Variants in PVT1 observed in about 807,000 individuals in gnomAD.
PVT1 encodes CXCR4/PVT1 fusion.
intron 2 of PVT1, among the ~76,000 whole-genome samples, chr8:127,874,329 T>C (rs991041415): frequency 6.6e-6 from 1 of 152,086 alleles, no homozygotes; most frequent in African/African-American, 2.4e-5. Context: ...AGAAGGGCTT[T>C]GTAGGATGAG....
intron 2 of PVT1, among the ~76,000 whole-genome samples, chr8:127,842,520 C>T (rs1374427503): frequency 1.3e-5 from 2 of 152,044 alleles, no homozygotes; most frequent in Non-Finnish European, 2.9e-5. Context: ...ACCACCTCAG[C>T]CTCCCAGCGA....
chr8:127,974,455 C>T (rs184441670), intron 3 of PVT1, among the ~76,000 whole-genome samples: 5 of 152,266 alleles, frequency 3.3e-5, no homozygotes, highest in Admixed American at 2.0e-4. Context: ...CTCACTCTCA[C>T]CCAGGCTGGA....
At chr8:127,873,890 A>C (rs1252898345) in intron 2 of PVT1, among the ~76,000 whole-genome samples, 1 of 152,214 alleles carries the variant, frequency 6.6e-6, no homozygotes, top group Non-Finnish European at 1.5e-5. Flanking sequence ...CACAGTGACT[A>C]ACATACAATA....
intron 4 of PVT1, among the ~76,000 whole-genome samples, chr8:128,043,044 G>T (rs1986489): frequency 6.6e-5 from 10 of 151,898 alleles, no homozygotes. Flanking sequence ...GATCACAGGC[G>T]TGAGCCACTG....
At chr8:128,060,092 T>TA (rs1554608258) in intron 4 of PVT1, among the ~76,000 whole-genome samples, 1 of 152,066 alleles carries the variant, frequency 6.6e-6, no homozygotes, top group Admixed American at 6.5e-5. Flanking sequence ...CCGTCTCTAC[T>TA]AAAAATACAA....
At chr8:127,838,175 G>A (rs1814930263) in intron 2 of PVT1, among the ~76,000 whole-genome samples, 1 of 151,936 alleles carries the variant, frequency 6.6e-6, no homozygotes, top group Admixed American at 6.6e-5. Flanking sequence ...GGAATTACAG[G>A]CATGAACCAC....
At chr8:128,035,264 G>C (rs945798683) in intron 4 of PVT1, among the ~76,000 whole-genome samples, 7 of 152,176 alleles carry the variant, frequency 4.6e-5, no homozygotes, top group African/African-American at 1.4e-4. Flanking sequence ...GGCTGCAATA[G>C]CTGTGGGAAC....
intron 2 of PVT1, among the ~76,000 whole-genome samples, chr8:127,816,428 G>A (rs1425090300): frequency 6.6e-6 from 1 of 151,018 alleles, no homozygotes; most frequent in Non-Finnish European, 1.5e-5. Context: ...GATTACAGGC[G>A]TGAGCCGCTA....
chr8:127,984,905 CTTTCTTTCTTTCTTTCTCTTT>C (rs1563657584), intron 3 of PVT1, among the ~76,000 whole-genome samples: 4 of 96,206 alleles, frequency 4.2e-5, no homozygotes, highest in Admixed American at 1.3e-4. Context: ...TTCTTTCTTT[CTTTCTTTCTTTCTTTCTCTTT>C]CTCTTTCTTT....
intron 2 of PVT1, among the ~76,000 whole-genome samples, chr8:127,877,310 G>C (rs547123547): frequency 2.8e-4 from 43 of 152,354 alleles, no homozygotes; most frequent in African/African-American, 9.1e-4. Context: ...TCACGCTGCT[G>C]TTTCTGTAAC....
At chr8:127,896,840 C>T (rs1322499570) in intron 3 of PVT1, among the ~76,000 whole-genome samples, 1 of 150,066 alleles carries the variant, frequency 6.7e-6, no homozygotes, top group Non-Finnish European at 1.5e-5. Flanking sequence ...CTGAGCCTCA[C>T]TTTCTTCATC....
At chr8:127,874,964 C>T (rs560104080) in intron 2 of PVT1, among the ~76,000 whole-genome samples, 1 of 151,914 alleles carries the variant, frequency 6.6e-6, no homozygotes, top group African/African-American at 2.4e-5. Context: ...TGCACTGTGC[C>T]TGCTGGAGCA....
At chr8:127,952,235 C>T (rs532686960) in intron 3 of PVT1, among the ~76,000 whole-genome samples, 7 of 152,326 alleles carry the variant, frequency 4.6e-5, no homozygotes, top group African/African-American at 1.7e-4. Flanking sequence ...CCTTTGCCAC[C>T]CAAGCAGGTT....
chr8:127,907,378 C>T (rs1231324357), intron 3 of PVT1, among the ~76,000 whole-genome samples: 1 of 152,150 alleles, frequency 6.6e-6, no homozygotes, highest in Non-Finnish European at 1.5e-5. Flanking sequence ...ACAGCCCGGG[C>T]CCTTTGAAGA....
intron 5 of PVT1, among the ~76,000 whole-genome samples, chr8:128,073,784 TAAC>T (rs1410424672): frequency 3.3e-5 from 5 of 151,126 alleles, no homozygotes; most frequent in South Asian, 2.1e-4. Flanking sequence ...GCTGTGAGAA[TAAC>T]AACAATTTTT....
chr8:127,899,299 G>A (rs1187387676), intron 3 of PVT1, among the ~76,000 whole-genome samples: 2 of 152,204 alleles, frequency 1.3e-5, no homozygotes, highest in Non-Finnish European at 2.9e-5. Context: ...TATTGTGAAA[G>A]TGAGATGATC....
At chr8:128,009,782 G>A (rs542761781) in intron 4 of PVT1, 8 of 152,198 alleles carry the variant, frequency 5.3e-5, no homozygotes, top group Admixed American at 4.6e-4. Flanking sequence ...GGTAAACCAC[G>A]CTGTGTCTAA....
rs185288332 is a variant in PVT1 at position 127,815,148 on chromosome 8, G to A, written n.372+19077G>A. ...GCGTGGCTAATTTTTGTATTTTTTA[G>A]TAGAGACGGGGCTTCGCCATGTTGG... On this transcript the variant is annotated intron_variant and non_coding_transcript_variant, in intron 2 of 10. Transcript: ENST00000651587. Among the ~76,000 whole-genome samples the A allele has an allele frequency of 5.8e-3, 879 of 152,110 alleles. 4 individuals are homozygous for A. The highest frequency in any genetic ancestry group is 8.2e-3 in the Non-Finnish European group (556 of 67,972).
intron 5 of PVT1, among the ~76,000 whole-genome samples, chr8:128,081,570 T>C (rs1814179665): frequency 6.6e-6 from 1 of 152,244 alleles, no homozygotes; most frequent in Non-Finnish European, 1.5e-5. Context: ...TAGCCTTGCC[T>C]TCTGGCTAAT....
Sources: allele counts gnomAD v4.1 joint callset (sites outside exome capture counted in the v4.1 genomes callset), GRCh38; gene constraint gnomAD v4.1.1; transcripts MANE v1.5; gene names NCBI Gene and HGNC (gene_info 2026-07-23, HGNC 2026-07-21).